Variants in NLK observed in about 807,000 individuals in gnomAD.
The protein encoded by NLK is serine/threonine-protein kinase NLK.
A neutral mutation model predicts 59.0 loss-of-function variants in NLK; 11 were observed. The ratio of observed to expected loss-of-function variants is 0.19; its 90% CI spans 0.12 to 0.31. The LOEUF (loss-of-function observed/expected upper bound fraction) is 0.31. NLK is among the 10% of genes least tolerant of loss of function. NLK has a pLI of 1.00. For missense variants in NLK, 410 were observed against 661.1 expected (o/e 0.62, Z 4.16); for synonymous variants, 235 against 235.9 (o/e 1.00, Z 0.03).
At chr17:28,206,030 T>C in the NLK span, among the ~76,000 whole-genome samples, 1 of 152,224 alleles carries the variant, frequency 6.6e-6, no homozygotes. Flanking sequence ...CAAGATATCA[T>C]GTTGTATACT....
At chr17:28,150,407 A>C (rs951657691) in intron 3 of NLK, among the ~76,000 whole-genome samples, 1 of 152,286 alleles carries the variant, frequency 6.6e-6, no homozygotes, top group African/African-American at 2.4e-5. Flanking sequence ...TGGAGAGAGC[A>C]CTAGACTAGG....
chr17:28,089,244 C>G (rs1904394937), intron 1 of NLK, among the ~76,000 whole-genome samples: 1 of 152,182 alleles, frequency 6.6e-6, no homozygotes, highest in Non-Finnish European at 1.5e-5. Context: ...CCACCTTTCT[C>G]TTCCCACTGC....
At chr17:28,110,478 G>C (rs1036658863) in intron 1 of NLK, among the ~76,000 whole-genome samples, 8 of 148,876 alleles carry the variant, frequency 5.4e-5, no homozygotes, top group Non-Finnish European at 1.0e-4. Flanking sequence ...ATCCTACTTG[G>C]GTTTTTTGGG....
chr17:28,049,474 A>G lies in NLK; in HGVS notation c.458+6143A>G, dbSNP rs576565565. Among the ~76,000 whole-genome samples the G allele has an allele frequency of 5.3e-5, 8 of 152,272 alleles. No individual in the cohort carries two copies. In the South Asian group the frequency reaches 1.5e-3, roughly 28 times the overall value. ...CCAAATGGGGATATTTAGTCTTATA[A>G]ATAATTTTGCGAACCTCTATTAAGC... On this transcript the variant is annotated intron_variant, in intron 1 of 10. Transcript: ENST00000407008.
At chr17:28,162,571 A>G (rs926129717) in intron 4 of NLK, among the ~76,000 whole-genome samples, 5 of 152,152 alleles carry the variant, frequency 3.3e-5, no homozygotes, top group Non-Finnish European at 7.3e-5. Flanking sequence ...CAGGAGGTGG[A>G]GGCTGCAGGG....
intron 1 of NLK, among the ~76,000 whole-genome samples, chr17:28,106,109 CATGAA>C (rs1905070795): frequency 6.6e-6 from 1 of 152,154 alleles, no homozygotes; most frequent in South Asian, 2.1e-4. Context: ...GAGAACCTAA[CATGAA>C]ATATATAGAA....
At chr17:28,138,239 T>G (rs920588520) in intron 3 of NLK, among the ~76,000 whole-genome samples, 4 of 152,230 alleles carry the variant, frequency 2.6e-5, no homozygotes, top group Non-Finnish European at 4.4e-5. Flanking sequence ...AAGCTTATTT[T>G]TAACTTGAAG....
intron 7 of NLK, among the ~76,000 whole-genome samples, 189 bp downstream of exon 7, chr17:28,172,807 G>A (rs574001209): frequency 1.1e-4 from 17 of 152,004 alleles, no homozygotes; most frequent in South Asian, 6.2e-4. Context: ...TCCTAATGCC[G>A]TAGGAGAAAG....
At chr17:28,080,545 G>T (rs528208577) in intron 1 of NLK, among the ~76,000 whole-genome samples, 1 of 152,252 alleles carries the variant, frequency 6.6e-6, no homozygotes, top group African/African-American at 2.4e-5. Flanking sequence ...CCTGGCTAGG[G>T]GAAATTGTGG....
chr17:28,150,910 G>A (rs1488001859), intron 3 of NLK, among the ~76,000 whole-genome samples: 1 of 152,122 alleles, frequency 6.6e-6, no homozygotes, highest in African/African-American at 2.4e-5. Context: ...TGGTCCTATA[G>A]TTTATCTTCA....
At chr17:28,157,652 A>T in intron 3 of NLK, among the ~76,000 whole-genome samples, 1 of 152,294 alleles carries the variant, frequency 6.6e-6, no homozygotes, top group South Asian at 2.1e-4. Flanking sequence ...TAAAAATGTT[A>T]CTTAAAAAAA....
At chr17:28,047,936 GAGA>G (rs1039779906) in intron 1 of NLK, 1 of 398,264 alleles carries the variant, frequency 2.5e-6, no homozygotes, top group African/African-American at 2.1e-5. Context: ...CTGTAGTACT[GAGA>G]AGTTTCTCCA....
chr17:28,141,284 C>G (rs1271200102), intron 3 of NLK, among the ~76,000 whole-genome samples: 2 of 152,070 alleles, frequency 1.3e-5, no homozygotes, highest in African/African-American at 4.8e-5. Flanking sequence ...GATTTTTGTT[C>G]TCTGTTTATT....
chr17:28,099,808 G>A (rs1904841887), intron 1 of NLK, among the ~76,000 whole-genome samples: 1 of 151,538 alleles, frequency 6.6e-6, no homozygotes, highest in Non-Finnish European at 1.5e-5. Context: ...TCGATCTCCT[G>A]ACCTCATGAT....
chr17:28,123,881 C>G (rs1326038842), intron 2 of NLK, among the ~76,000 whole-genome samples: 1 of 152,124 alleles, frequency 6.6e-6, no homozygotes, highest in Non-Finnish European at 1.5e-5. Context: ...GCCTCAAATT[C>G]TTTATATAAT....
chr17:28,178,941 G>A (rs1908790431), intron 7 of NLK, among the ~76,000 whole-genome samples: 1 of 152,162 alleles, frequency 6.6e-6, no homozygotes, highest in African/African-American at 2.4e-5. Context: ...CCCTGCTGTA[G>A]CAACCAGCAT....
At chr17:28,046,043 A>G (rs1461655992) in intron 1 of NLK, among the ~76,000 whole-genome samples, 1 of 152,240 alleles carries the variant, frequency 6.6e-6, no homozygotes, top group Non-Finnish European at 1.5e-5. Context: ...ATGACAAGAA[A>G]CTGTATTTGC....
rs375372733 is a variant in NLK at position 28,081,343 on chromosome 17, C to G, written c.458+38012C>G. ...TGGGACTACAGGTGTATGCCACATGCCCAGCTAATTTAAAAAAAAAAAATT... is the reference window on the plus strand; with the variant it reads ...TGGGACTACAGGTGTATGCCACATGGCCAGCTAATTTAAAAAAAAAAAATT... On this transcript the variant is annotated intron_variant, in intron 1 of 10. Transcript: ENST00000407008. Among the ~76,000 whole-genome samples the G allele has an allele frequency of 1.8e-3, 278 of 151,832 alleles. 1 individual carries two copies. Among genetic ancestry groups the G allele is most frequent in the African/African-American group, 6.3e-3 (261 of 41,386 alleles).
At chr17:28,109,936 T>C (rs1397992616) in intron 1 of NLK, among the ~76,000 whole-genome samples, 2 of 152,208 alleles carry the variant, frequency 1.3e-5, no homozygotes, top group African/African-American at 4.8e-5. Flanking sequence ...TTGTACAGTT[T>C]TACCAGTAAT....
Sources: allele counts gnomAD v4.1 joint callset (sites outside exome capture counted in the v4.1 genomes callset), GRCh38; gene constraint gnomAD v4.1.1; transcripts MANE v1.5; gene names NCBI Gene and HGNC (gene_info 2026-07-23, HGNC 2026-07-21).